Variants in CSPP1 observed in about 807,000 individuals in gnomAD.
CSPP1 encodes the protein centrosome and spindle pole-associated protein 1.
A neutral mutation model predicts 164.4 loss-of-function variants in CSPP1; 126 were observed. The ratio of observed to expected loss-of-function variants is 0.77; its 90% CI spans 0.66 to 0.89. The LOEUF (loss-of-function observed/expected upper bound fraction) is 0.89. Ranked by LOEUF, CSPP1 falls within the 40% of genes least tolerant of loss-of-function variation. The probability of loss-of-function intolerance (pLI) is 0.00; values close to 1 mark genes in which losing one functional copy is unlikely to be tolerated. For missense variants in CSPP1, 1,395 were observed against 1,449.8 expected, an observed-to-expected ratio of 0.96 and a Z score of 0.61; for synonymous variants, 472 against 476.7, an observed-to-expected ratio of 0.99 and a Z score of 0.13.
At chr8:67,108,683 C>CTG (rs1382002533) in intron 9 of CSPP1, among the ~76,000 whole-genome samples, 5 of 152,146 alleles carry the variant, frequency 3.3e-5, no homozygotes, top group Non-Finnish European at 7.3e-5. Flanking sequence ...TTACTTGATG[C>CTG]TGGACTGGTC....
intron 5 of CSPP1, among the ~76,000 whole-genome samples, chr8:67,092,565 G>C (rs940548548): frequency 6.6e-6 from 1 of 152,150 alleles, no homozygotes; most frequent in African/African-American, 2.4e-5. Context: ...AGCCTCCTGA[G>C]TAGCTGGAGG....
intron 28 of CSPP1, among the ~76,000 whole-genome samples, chr8:67,184,055 G>T (rs1358417107): frequency 6.6e-6 from 1 of 152,014 alleles, no homozygotes. Context: ...GTTTCACCGT[G>T]TTGGCCAGGC....
At chr8:67,115,451 G>A (rs1360097056) in intron 12 of CSPP1, among the ~76,000 whole-genome samples, 1 of 152,154 alleles carries the variant, frequency 6.6e-6, no homozygotes, top group East Asian at 1.9e-4. Flanking sequence ...AGGCCGAGGT[G>A]GTCGGATCAC....
At chr8:67,180,453 G>A (rs113992943) in intron 28 of CSPP1, among the ~76,000 whole-genome samples, 2,399 of 152,222 alleles carry the variant, frequency 0.016, 66 homozygotes, top group African/African-American at 0.055. Context: ...AGGTGTATAT[G>A]GTTATAAAAG....
chr8:67,083,062 A>G (rs1219871356), intron 3 of CSPP1, among the ~76,000 whole-genome samples: 1 of 152,196 alleles, frequency 6.6e-6, no homozygotes, highest in Non-Finnish European at 1.5e-5. Flanking sequence ...AAATGTTGGT[A>G]CAAGATGACA....
intron 3 of CSPP1, 32 bp from the exon 4 acceptor site, chr8:67,085,974 AT>A (rs760624245): frequency 4.4e-6 from 4 of 901,776 alleles, no homozygotes; most frequent in Non-Finnish European, 7.5e-6. Context: ...TGGTTTGAAA[AT>A]GAATTATACT....
intron 24 of CSPP1, among the ~76,000 whole-genome samples, chr8:67,172,154 A>ATTTTTTTTTT (rs540548645): frequency 8.0e-6 from 1 of 124,880 alleles, no homozygotes. Flanking sequence ...TGGCCTCATA[A>ATTTTTTTTTT]TTTTTTTTTT....
intron 1 of CSPP1, 44 bp downstream of exon 1, chr8:67,064,582 G>T: frequency 6.6e-7 from 1 of 1,512,306 alleles, no homozygotes; most frequent in Non-Finnish European, 8.8e-7. Flanking sequence ...GGGTCCTGGG[G>T]CTGCATTCGC....
chr8:67,180,969 C>T (rs1832868084), intron 28 of CSPP1, among the ~76,000 whole-genome samples: 1 of 151,832 alleles, frequency 6.6e-6, no homozygotes. Context: ...GTATTTCAGG[C>T]CAATTACTTT....
At chr8:67,108,664 T>C (rs1816169516) in intron 9 of CSPP1, among the ~76,000 whole-genome samples, 2 of 152,202 alleles carry the variant, frequency 1.3e-5, no homozygotes, top group Admixed American at 1.3e-4. Context: ...AGTATATTGC[T>C]GTTGATTGTT....
At chr8:67,092,350 T>G (rs1207712600) in intron 5 of CSPP1, among the ~76,000 whole-genome samples, 4 of 150,256 alleles carry the variant, frequency 2.7e-5, no homozygotes, top group African/African-American at 5.1e-5. Context: ...ACACCTCTTG[T>G]AGTGACTCAG....
intron 18 of CSPP1, 56 bp from the exon 19 acceptor site, chr8:67,153,968 G>A: frequency 1.3e-6 from 1 of 756,028 alleles, no homozygotes; most frequent in Non-Finnish European, 2.3e-6. Context: ...TTCTTTAACT[G>A]TTAAATTTTC....
In CSPP1 at chr8:67,103,017, T is replaced by C; in HGVS notation, c.924-20T>C. The C allele has an allele frequency of 6.9e-7, 1 of 1,458,176 alleles. No individual in the cohort carries two copies. Among genetic ancestry groups the C allele is most frequent in the East Asian group, 2.3e-5 (1 of 43,992 alleles). 90.3% of individuals were successfully genotyped at this position (1,458,176 alleles called of 1,614,324 possible). On this transcript the variant is annotated intron_variant, in intron 7 of 30. Transcript: ENST00000678616. ...TCCACTGTATGTGGCACATGCTTTATAAGCTAATGTGTTTTTAAGGATGCA... is the reference window on the plus strand; with the variant it reads ...TCCACTGTATGTGGCACATGCTTTACAAGCTAATGTGTTTTTAAGGATGCA...
At chr8:67,170,969 G>A (rs1428648475) in intron 24 of CSPP1, among the ~76,000 whole-genome samples, 1 of 151,368 alleles carries the variant, frequency 6.6e-6, no homozygotes, top group Non-Finnish European at 1.5e-5. Context: ...TGTATTTTTA[G>A]TAGAGATGGG....
chr8:67,126,209 A>G (rs2129553029), intron 15 of CSPP1, among the ~76,000 whole-genome samples: 1 of 152,324 alleles, frequency 6.6e-6, no homozygotes, highest in Non-Finnish European at 1.5e-5. Flanking sequence ...TTGTTGATTA[A>G]ATACAAGGCA....
In CSPP1 at chr8:67,064,423, G is replaced by T. The variant is rs1250503298; in HGVS notation, c.-126G>T. On this transcript the variant is annotated 5_prime_UTR_variant, in exon 1 of 31. Coordinates refer to ENST00000678616, the MANE Select transcript of CSPP1 (RefSeq NM_001382391.1). ...CATGCTGTTCCCGCTCCAGGTGGCC[G>T]CTGTAACCTCTTCGGTCCGCGACGA... 1.2e-6 allele frequency: 2 copies of T among 1,613,816 alleles called. No homozygotes were observed. The highest frequency in any genetic ancestry group is 1.7e-6 in the Non-Finnish European group (2 of 1,179,870).
At chr8:67,108,475 A>G (rs1221487115) in intron 9 of CSPP1, among the ~76,000 whole-genome samples, 1 of 151,562 alleles carries the variant, frequency 6.6e-6, no homozygotes, top group Non-Finnish European at 1.5e-5. Flanking sequence ...AATGAATTTT[A>G]TCTGCTTCTA....
At position 67,115,941 on chromosome 8, in the gene CSPP1, G is replaced by A. The variant is rs1460794902; in HGVS notation, c.1315G>A (p.Ala439Thr). 6.2e-7 allele frequency: 1 copy of A among 1,613,594 alleles called. No homozygotes were observed. The highest frequency in any genetic ancestry group is 8.5e-7 in the Non-Finnish European group (1 of 1,179,840). Residue 439 changes from alanine (A) to threonine (T), a missense_variant, in exon 13 of 31, where the codon GCA becomes ACA. By Grantham distance (58) the Ala-to-Thr change is moderately conservative. Coordinates refer to ENST00000678616, the MANE Select transcript of CSPP1 (RefSeq NM_001382391.1). The part of the protein sequence containing the change: ...EPDRLKQFSV[A>T]PRHFEEMIPP... Reference sequence around the variant, plus strand: ...TGATAGACTAAAGCAGTTTAGTGTGGCACCAAGACACTTTGAAGAGATGAT... The same window carrying A: ...TGATAGACTAAAGCAGTTTAGTGTGACACCAAGACACTTTGAAGAGATGAT...
intron 17 of CSPP1, among the ~76,000 whole-genome samples, chr8:67,144,937 T>C (rs951276376): frequency 1.3e-5 from 2 of 149,324 alleles, no homozygotes; most frequent in African/African-American, 4.9e-5. Flanking sequence ...CTGTGTGTGG[T>C]GGTGTGCTCC....
Sources: gnomAD v4.1 joint callset for allele counts (sites outside exome capture counted in the v4.1 genomes callset) on GRCh38, gnomAD v4.1.1 for gene constraint, MANE v1.5 for transcripts, NCBI Gene and HGNC (gene_info 2026-07-23, HGNC 2026-07-21) for gene names.